The following GRM5 variants were observed in gnomAD, a reference collection of about 807,000 sequenced individuals.
The protein encoded by GRM5 is metabotropic glutamate receptor 5.
Under a neutral mutation model 83.1 loss-of-function variants are expected in GRM5, and 19 were observed. The observed-to-expected ratio is 0.23, with a 90% CI of 0.16 to 0.34. The LOEUF is 0.34. Among genes scored for constraint, GRM5 ranks in the 10% least tolerant of loss-of-function variants. The pLI is 1.00. For missense variants in GRM5, 1,160 were observed against 1,588.3 expected (o/e 0.73, Z 4.58); for synonymous variants, 675 against 633.6 (o/e 1.07, Z -0.98).
At chr11:88,923,704 A>C (rs1402705299) in intron 2 of GRM5, among the ~76,000 whole-genome samples, 1 of 152,030 alleles carries the variant, frequency 6.6e-6, no homozygotes, top group East Asian at 1.9e-4. Flanking sequence ...GTATAGTTGG[A>C]ATGCCCATAA....
chr11:88,568,255 T>C (rs747314636), intron 7 of GRM5, among the ~76,000 whole-genome samples: 8 of 151,494 alleles, frequency 5.3e-5, no homozygotes, highest in Admixed American at 5.3e-4. Flanking sequence ...CCTGCTCTCA[T>C]AAAAAAAAAT....
intron 2 of GRM5, among the ~76,000 whole-genome samples, chr11:88,995,765 A>G (rs1940166481): frequency 6.6e-6 from 1 of 152,134 alleles, no homozygotes; most frequent in Non-Finnish European, 1.5e-5. Context: ...AAAATGGTAT[A>G]TAGGTTGTAT....
intron 4 of GRM5, among the ~76,000 whole-genome samples, chr11:88,647,856 C>A (rs1287308348): frequency 6.6e-6 from 1 of 152,118 alleles, no homozygotes; most frequent in Non-Finnish European, 1.5e-5. Flanking sequence ...CATCAACAGA[C>A]ACTTCTCAAA....
At chr11:88,750,997 AAGAACTAGAGAAACAAGAGGAAAGAAAC>A (rs1337467973) in intron 3 of GRM5, among the ~76,000 whole-genome samples, 10 of 151,610 alleles carry the variant, frequency 6.6e-5, no homozygotes, top group South Asian at 2.1e-4. Context: ...TCTCAACTAA[AAGAACTAGAGAAACAAGAGGAAAGAAAC>A]AGAACTAGAG....
At chr11:88,874,233 A>G (rs1944814082) in intron 2 of GRM5, among the ~76,000 whole-genome samples, 1 of 151,934 alleles carries the variant, frequency 6.6e-6, no homozygotes, top group African/African-American at 2.4e-5. Flanking sequence ...ATTTGCATAA[A>G]AAACAGACAT....
intron 3 of GRM5, among the ~76,000 whole-genome samples, chr11:88,756,124 G>A (rs534891595): frequency 3.2e-4 from 49 of 152,112 alleles, no homozygotes; most frequent in Non-Finnish European, 5.9e-4. Context: ...AATAGACATG[G>A]AAACAGCCTT....
At chr11:89,003,943 C>T (rs1341188106) in intron 2 of GRM5, among the ~76,000 whole-genome samples, 2 of 151,930 alleles carry the variant, frequency 1.3e-5, no homozygotes, top group Admixed American at 1.3e-4. Flanking sequence ...TAGAGATATC[C>T]CAATAAGTGA....
chr11:89,021,256 C>A (rs1239823009), intron 2 of GRM5, among the ~76,000 whole-genome samples: 1 of 152,082 alleles, frequency 6.6e-6, no homozygotes, highest in Non-Finnish European at 1.5e-5. Flanking sequence ...AAACAGAAAG[C>A]AAAATGTGCA....
At chr11:88,891,263 T>C (rs375009766) in intron 2 of GRM5, among the ~76,000 whole-genome samples, 17 of 152,230 alleles carry the variant, frequency 1.1e-4, no homozygotes, top group Middle Eastern at 6.8e-3. Flanking sequence ...TTTTATGTAA[T>C]AGTAAAGGCT....
At chr11:88,591,795 C>G (rs1937645619) in intron 6 of GRM5, among the ~76,000 whole-genome samples, 1 of 152,100 alleles carries the variant, frequency 6.6e-6, no homozygotes, top group South Asian at 2.1e-4. Context: ...ATAGCTTTTC[C>G]CTAAAGTAAC....
At chr11:88,745,858 T>C in intron 3 of GRM5, among the ~76,000 whole-genome samples, 1 of 152,190 alleles carries the variant, frequency 6.6e-6, no homozygotes, top group East Asian at 1.9e-4. Context: ...GAGAAATTCC[T>C]GAGGCATTCA....
intron 3 of GRM5, among the ~76,000 whole-genome samples, chr11:88,799,525 G>A (rs1174392028): frequency 2.0e-5 from 3 of 151,946 alleles, no homozygotes; most frequent in African/African-American, 7.2e-5. Flanking sequence ...TGAGTGCAGT[G>A]GAGTTATATA....
chr11:88,563,047 A>C (rs1297609240), intron 8 of GRM5, among the ~76,000 whole-genome samples: 1 of 152,220 alleles, frequency 6.6e-6, no homozygotes, highest in Non-Finnish European at 1.5e-5. Context: ...ACATGAGGAA[A>C]ATGAACTCTA....
chr11:88,762,961 G>C (rs1213147792), intron 3 of GRM5, among the ~76,000 whole-genome samples: 1 of 151,922 alleles, frequency 6.6e-6, no homozygotes, highest in Non-Finnish European at 1.5e-5. Flanking sequence ...ACAAGTGGGA[G>C]CTAACTGATG....
At chr11:88,687,867 G>GAGAT (rs1379044704) in intron 3 of GRM5, among the ~76,000 whole-genome samples, 1 of 151,618 alleles carries the variant, frequency 6.6e-6, no homozygotes, top group Non-Finnish European at 1.5e-5. Flanking sequence ...TTAAGATTAT[G>GAGAT]AGATAGTGAT....
chr11:88,821,468 G>C (rs939558340), intron 3 of GRM5, among the ~76,000 whole-genome samples: 3 of 151,424 alleles, frequency 2.0e-5, no homozygotes, highest in Admixed American at 2.0e-4. Context: ...CTCAGGTTTC[G>C]ATGTCACCTT....
chr11:88,715,745 A>G, intron 3 of GRM5, among the ~76,000 whole-genome samples: 1 of 152,034 alleles, frequency 6.6e-6, no homozygotes, highest in East Asian at 1.9e-4. Flanking sequence ...GTATTAGAAA[A>G]GGAAGATATA....
chr11:88,667,752 A>C (rs1415876448), intron 3 of GRM5, among the ~76,000 whole-genome samples: 1 of 151,814 alleles, frequency 6.6e-6, no homozygotes, highest in Non-Finnish European at 1.5e-5. Context: ...AATTAGCTGT[A>C]TGTGGTGGCA....
At chr11:88,719,512 G>A (rs1305150313) in intron 3 of GRM5, among the ~76,000 whole-genome samples, 2 of 152,034 alleles carry the variant, frequency 1.3e-5, no homozygotes, top group East Asian at 1.9e-4. Context: ...TAATAGGGCT[G>A]CAATGAACAC....
Sources: allele counts gnomAD v4.1 joint callset (sites outside exome capture counted in the v4.1 genomes callset), GRCh38; gene constraint gnomAD v4.1.1; transcripts MANE v1.5; gene names NCBI Gene and HGNC (gene_info 2026-07-23, HGNC 2026-07-21).